USH2A: variants seen among roughly 807,000 people sequenced by gnomAD.
USH2A encodes the protein Usher syndrome 2A (autosomal recessive, mild).
USH2A carries 443 observed loss-of-function variants against 538.9 expected under a neutral mutation model. The observed-to-expected ratio is 0.82, with a 90% CI of 0.76 to 0.89. USH2A has a LOEUF of 0.89. Among genes scored for constraint, USH2A ranks in the 40% least tolerant of loss-of-function variants. USH2A has a pLI of 0.00. For missense variants in USH2A, 6,633 were observed against 6,324.8 expected, an observed-to-expected ratio of 1.05 and a Z score of -1.65; for synonymous variants, 2,413 against 2,273.5, an observed-to-expected ratio of 1.06 and a Z score of -1.75.
intron 49 of USH2A, among the ~76,000 whole-genome samples, chr1:215,805,369 C>A (rs193128861): frequency 2.8e-4 from 43 of 151,972 alleles, no homozygotes; most frequent in African/African-American, 9.6e-4. Flanking sequence ...ATATTAGGTA[C>A]CTAGAGTAGT....
chr1:215,856,418 C>T lies in USH2A; in HGVS notation c.8846-10385G>A, dbSNP rs114642193. ...TCTCAAAAGAAGAATGGCCAAGAAA[C>T]GTGCAAATGGCCAAAAAACATATGA... On this transcript the variant is annotated intron_variant, in intron 44 of 71. Coordinates refer to ENST00000307340, the MANE Select transcript of USH2A (RefSeq NM_206933.4). Among the ~76,000 whole-genome samples, 829 of 152,128 alleles carry T rather than the reference C, an allele frequency of 5.4e-3. 7 individuals are homozygous for T. The highest frequency in any genetic ancestry group is 0.018 in the African/African-American group (759 of 41,518).
chr1:215,756,290 A>G (rs1022650397), intron 58 of USH2A, among the ~76,000 whole-genome samples: 1 of 152,140 alleles, frequency 6.6e-6, no homozygotes, highest in African/African-American at 2.4e-5. Context: ...CATTTCTCTT[A>G]CTTGCATAGT....
intron 14 of USH2A, among the ~76,000 whole-genome samples, chr1:216,225,044 T>C (rs975124458): frequency 6.6e-6 from 1 of 152,168 alleles, no homozygotes; most frequent in Non-Finnish European, 1.5e-5. Context: ...AAAACATTGT[T>C]TTAACATTAG....
At chr1:216,047,678 G>C in intron 31 of USH2A, among the ~76,000 whole-genome samples, 1 of 152,124 alleles carries the variant, frequency 6.6e-6, no homozygotes, top group East Asian at 1.9e-4. Flanking sequence ...AGGAAGGGGG[G>C]AATATATAGA....
chr1:216,173,745 A>C (rs1435129551), intron 21 of USH2A, among the ~76,000 whole-genome samples: 1 of 152,146 alleles, frequency 6.6e-6, no homozygotes, highest in African/African-American at 2.4e-5. Flanking sequence ...CCCATCAAAA[A>C]TCTGTCTGCT....
At chr1:215,880,080 T>C (rs1664868698) in intron 41 of USH2A, among the ~76,000 whole-genome samples, 1 of 152,170 alleles carries the variant, frequency 6.6e-6, no homozygotes, top group Non-Finnish European at 1.5e-5. Context: ...GAGTCATGTT[T>C]TGTTAGATTA....
chr1:215,759,606 C>G, intron 57 of USH2A, 54 bp downstream of exon 57: 1 of 1,601,844 alleles, frequency 6.2e-7, no homozygotes, highest in Non-Finnish European at 8.5e-7. Context: ...CTTATCAACC[C>G]AGAGAAATGT....
At chr1:215,900,646 T>G in intron 39 of USH2A, 109 bp downstream of exon 39, 1 of 1,442,692 alleles carries the variant, frequency 6.9e-7, no homozygotes, top group Admixed American at 1.8e-5. Context: ...TTTTGTACTT[T>G]TAAAAGGTAA....
chr1:215,934,625 G>A lies in USH2A; in HGVS notation c.7291C>T (p.Pro2431Ser), dbSNP rs148136966. Reference protein sequence around the residue: ...LITDPITIAMPPGAPDGVLPP... With the variant: ...LITDPITIAMSPGAPDGVLPP... ...ATTTGCATAGACTTACCTCCTGGAG[G>A]CATTGCAATTGTTATAGGATCAGTT... The change falls in exon 38 of 72, where the codon CCT becomes TCT. Residue 2431 changes from proline (P) to serine (S), a missense_variant. Physicochemically the swap from Pro to Ser is moderately conservative, Grantham distance 74. Transcript: ENST00000307340. 44 of 1,611,962 alleles carry A rather than the reference G, an allele frequency of 2.7e-5. No individual in the cohort carries two copies. In the African/African-American group the frequency reaches 5.6e-4, roughly 21 times the overall value.
At chr1:215,740,023 G>A (rs552168073) in intron 60 of USH2A, among the ~76,000 whole-genome samples, 1 of 152,256 alleles carries the variant, frequency 6.6e-6, no homozygotes, top group South Asian at 2.1e-4. Flanking sequence ...ATGGGATTGG[G>A]TTTTTCAATC....
chr1:216,031,543 G>A (rs1417789940), intron 32 of USH2A, among the ~76,000 whole-genome samples: 2 of 152,034 alleles, frequency 1.3e-5, no homozygotes, highest in Non-Finnish European at 2.9e-5. Flanking sequence ...CTTGCATTTA[G>A]TGTTCTAACC....
At chr1:216,165,202 T>A (rs1313191509) in intron 21 of USH2A, among the ~76,000 whole-genome samples, 1 of 152,178 alleles carries the variant, frequency 6.6e-6, no homozygotes, top group Non-Finnish European at 1.5e-5. Context: ...TGTATATGTT[T>A]ATTATGACTG....
intron 36 of USH2A, among the ~76,000 whole-genome samples, chr1:215,967,657 G>T (rs759177076): frequency 8.5e-5 from 13 of 152,078 alleles, no homozygotes; most frequent in Non-Finnish European, 1.6e-4. Context: ...GCAGGTTGAA[G>T]GCAGACTTCC....
chr1:216,361,631 T>C (rs899322112), intron 4 of USH2A, among the ~76,000 whole-genome samples: 2 of 152,074 alleles, frequency 1.3e-5, no homozygotes, highest in Non-Finnish European at 2.9e-5. Context: ...AATAAGCACA[T>C]GAAAAGATCT....
At chr1:215,698,047 A>T (rs2102687296) in intron 61 of USH2A, among the ~76,000 whole-genome samples, 1 of 152,126 alleles carries the variant, frequency 6.6e-6, no homozygotes, top group South Asian at 2.1e-4. Context: ...CTCATTGTTC[A>T]ACTCCCACTT....
intron 9 of USH2A, among the ~76,000 whole-genome samples, chr1:216,319,415 T>C (rs1052824509): frequency 6.6e-6 from 1 of 152,188 alleles, no homozygotes; most frequent in Non-Finnish European, 1.5e-5. Context: ...ATCAAGCATA[T>C]TAAAATCAGT....
intron 66 of USH2A, 151 bp from the exon 67 acceptor site, chr1:215,647,881 G>GA (rs1656911365): frequency 1.2e-6 from 1 of 859,320 alleles, no homozygotes; most frequent in African/African-American, 1.7e-5. Flanking sequence ...ACTGCTCTCA[G>GA]AAACACCTTA....
At chr1:216,266,238 C>T (rs1365312831) in intron 11 of USH2A, among the ~76,000 whole-genome samples, 1 of 152,068 alleles carries the variant, frequency 6.6e-6, no homozygotes, top group Non-Finnish European at 1.5e-5. Flanking sequence ...AGGCTCACCA[C>T]ATGCTGGTGG....
At chr1:216,267,867 T>G (rs181781703) in intron 11 of USH2A, among the ~76,000 whole-genome samples, 1 of 152,162 alleles carries the variant, frequency 6.6e-6, no homozygotes, top group Admixed American at 6.6e-5. Context: ...ATATTTTACA[T>G]GTAGTAGATG....
Sources: allele counts gnomAD v4.1 joint callset (sites outside exome capture counted in the v4.1 genomes callset), GRCh38; gene constraint gnomAD v4.1.1; transcripts MANE v1.5; gene names NCBI Gene and HGNC (gene_info 2026-07-23, HGNC 2026-07-21).